MACROD2: variants seen among roughly 807,000 people sequenced by gnomAD.
MACROD2 encodes mono-ADP ribosylhydrolase 2.
In MACROD2, 36 loss-of-function variants were observed where a neutral mutation model predicts 70.4. The ratio of observed to expected loss-of-function variants is 0.51; its 90% CI spans 0.39 to 0.68. The LOEUF (loss-of-function observed/expected upper bound fraction) is 0.68, where lower values mean the gene tolerates loss of function less well. Among genes scored for constraint, MACROD2 ranks in the 30% least tolerant of loss-of-function variants. The pLI, the probability that MACROD2 is intolerant of heterozygous loss-of-function variation, is 0.00. For missense variants in MACROD2, 496 were observed against 538.4 expected, an observed-to-expected ratio of 0.92 and a Z score of 0.78; for synonymous variants, 172 against 178.8, an observed-to-expected ratio of 0.96 and a Z score of 0.30.
chr20:15,658,446 T>C (rs1279581364), intron 8 of MACROD2, among the ~76,000 whole-genome samples: 1 of 152,182 alleles, frequency 6.6e-6, no homozygotes, highest in Non-Finnish European at 1.5e-5. Flanking sequence ...GTATCTGTTT[T>C]CTGGGCCTCA....
intron 5 of MACROD2, among the ~76,000 whole-genome samples, chr20:15,103,699 T>G (rs1183500619): frequency 6.6e-6 from 1 of 152,068 alleles, no homozygotes; most frequent in Non-Finnish European, 1.5e-5. Flanking sequence ...TGATTTTACA[T>G]AGAGATAAAT....
At chr20:15,991,830 C>T (rs2066562894) in intron 15 of MACROD2, among the ~76,000 whole-genome samples, 1 of 151,992 alleles carries the variant, frequency 6.6e-6, no homozygotes, top group Non-Finnish European at 1.5e-5. Context: ...TTTAGGATAT[C>T]AGTTAAATTA....
intron 8 of MACROD2, among the ~76,000 whole-genome samples, chr20:15,764,358 A>G (rs2051487700): frequency 2.0e-5 from 3 of 152,220 alleles, no homozygotes; most frequent in Admixed American, 2.0e-4. Context: ...CTGTTCATCC[A>G]TTTAATACCA....
chr20:15,268,226 G>T lies in MACROD2; in HGVS notation c.540+38165G>T, dbSNP rs1428975732. Among the ~76,000 whole-genome samples the T allele has an allele frequency of 2.6e-5, 4 of 152,178 alleles. No individual in the cohort carries two copies. In the East Asian group the frequency reaches 7.7e-4, roughly 29 times the overall value. On this transcript the variant is annotated intron_variant, in intron 6 of 17. Transcript: ENST00000684519. Reference sequence around the variant, plus strand: ...TTGAGAACAGGTGTTCAAGATTAGTGCAGGATTTCAGAAATTGTAGCAGAG... The same window carrying T: ...TTGAGAACAGGTGTTCAAGATTAGTTCAGGATTTCAGAAATTGTAGCAGAG...
chr20:14,229,775 A>G (rs1042926290), intron 3 of MACROD2, among the ~76,000 whole-genome samples: 1 of 152,230 alleles, frequency 6.6e-6, no homozygotes, highest in Non-Finnish European at 1.5e-5. Flanking sequence ...ACTTTATCAT[A>G]ATTGGACCAA....
chr20:15,986,641 T>C, intron 13 of MACROD2, 86 bp from the exon 14 acceptor site: 1 of 1,027,740 alleles, frequency 9.7e-7, no homozygotes, highest in Middle Eastern at 2.2e-4. Flanking sequence ...CCATGCATGA[T>C]TAAAGCACGG....
At chr20:14,887,491 C>T (rs2122493417) in intron 5 of MACROD2, among the ~76,000 whole-genome samples, 1 of 151,130 alleles carries the variant, frequency 6.6e-6, no homozygotes, top group African/African-American at 2.4e-5. Context: ...CTCTAAGGGT[C>T]AAGTGATCCT....
At position 15,227,823 on chromosome 20, in the gene MACROD2, G is replaced by GTTTTTTTTTTTTTT. The variant is rs59129207; in HGVS notation, c.419-2104_419-2091dup. Among the ~76,000 whole-genome samples, 48 of 46,108 alleles carry GTTTTTTTTTTTTTT rather than the reference G, an allele frequency of 1.0e-3. 11 individuals are homozygous for GTTTTTTTTTTTTTT. Among genetic ancestry groups the GTTTTTTTTTTTTTT allele is most frequent in the East Asian group, 3.5e-3 (6 of 1,718 alleles). 30.2% of individuals were successfully genotyped at this position (46,108 alleles called of 152,430 possible). On this transcript the variant is annotated intron_variant, in intron 5 of 17. Coordinates refer to ENST00000684519, the MANE Select transcript of MACROD2 (RefSeq NM_001351661.2). ...TAACTGGTGTGATAGAATTTCACCT[G>GTTTTTTTTTTTTTT]TTTTTTTTTTTTTTTTTTTTTTTTT...
intron 3 of MACROD2, among the ~76,000 whole-genome samples, chr20:14,288,947 C>T (rs2082364968): frequency 6.6e-6 from 1 of 152,214 alleles, no homozygotes; most frequent in African/African-American, 2.4e-5. Context: ...ACCCTTGAGC[C>T]TGTTGCTTGA....
chr20:15,438,494 G>T (rs1483169859), intron 7 of MACROD2, among the ~76,000 whole-genome samples: 1 of 152,058 alleles, frequency 6.6e-6, no homozygotes, highest in Non-Finnish European at 1.5e-5. Context: ...AGAAGTGTCT[G>T]TTCATGTCCT....
chr20:16,044,948 T>A (rs1444462553), intron 17 of MACROD2, among the ~76,000 whole-genome samples: 1 of 152,144 alleles, frequency 6.6e-6, no homozygotes, highest in Non-Finnish European at 1.5e-5. Context: ...GTCAAATTAT[T>A]TCAGAAACTC....
intron 5 of MACROD2, among the ~76,000 whole-genome samples, chr20:14,798,408 A>T: frequency 6.6e-6 from 1 of 151,990 alleles, no homozygotes; most frequent in Non-Finnish European, 1.5e-5. Context: ...CTGGTTTGGG[A>T]AGATCATTGC....
At chr20:14,331,899 A>G (rs745659032) in intron 3 of MACROD2, among the ~76,000 whole-genome samples, 3 of 152,172 alleles carry the variant, frequency 2.0e-5, no homozygotes, top group South Asian at 4.1e-4. Flanking sequence ...CCAGGTTTCC[A>G]TAACACTGAC....
intron 8 of MACROD2, among the ~76,000 whole-genome samples, chr20:15,771,053 CA>C (rs2051616243): frequency 6.6e-6 from 1 of 152,130 alleles, no homozygotes; most frequent in African/African-American, 2.4e-5. Context: ...CATTCTGCTA[CA>C]AATATCATAC....
chr20:15,590,973 A>C (rs1409920685), intron 8 of MACROD2, among the ~76,000 whole-genome samples: 3 of 151,776 alleles, frequency 2.0e-5, no homozygotes, highest in African/African-American at 7.2e-5. Flanking sequence ...GAAAGAAAGA[A>C]AGAAAGAAAA....
intron 6 of MACROD2, among the ~76,000 whole-genome samples, chr20:15,250,119 A>G (rs2077142063): frequency 6.6e-6 from 1 of 152,198 alleles, no homozygotes. Context: ...GAAGGTCATC[A>G]TGCCTTTGTT....
intron 4 of MACROD2, among the ~76,000 whole-genome samples, chr20:14,643,176 C>A (rs1308628269): frequency 6.6e-6 from 1 of 152,044 alleles, no homozygotes; most frequent in East Asian, 1.9e-4. Flanking sequence ...TGTTGCTGCC[C>A]AATGTCATAT....
intron 5 of MACROD2, among the ~76,000 whole-genome samples, chr20:15,028,145 CT>C (rs1469456316): frequency 6.6e-6 from 1 of 152,216 alleles, no homozygotes; most frequent in Non-Finnish European, 1.5e-5. Context: ...GGCACTGCCC[CT>C]GGAGGGAAGA....
intron 5 of MACROD2, among the ~76,000 whole-genome samples, chr20:14,685,985 A>G (rs1274503383): frequency 6.6e-6 from 1 of 152,212 alleles, no homozygotes; most frequent in East Asian, 1.9e-4. Flanking sequence ...CTGTAAAGGT[A>G]TGTTTAAATT....
Sources: allele counts gnomAD v4.1 joint callset (sites outside exome capture counted in the v4.1 genomes callset), GRCh38; gene constraint gnomAD v4.1.1; transcripts MANE v1.5; gene names NCBI Gene and HGNC (gene_info 2026-07-23, HGNC 2026-07-21).